The following FARP1 variants were observed in gnomAD, a reference collection of about 807,000 sequenced individuals.
FARP1 encodes FERM, ARH/RhoGEF and pleckstrin domain protein 1, also known as FERM, ARHGEF and pleckstrin domain-containing protein 1.
Under a neutral mutation model 128.8 loss-of-function variants are expected in FARP1, and 52 were observed. The observed-to-expected ratio is 0.40, with a 90% confidence interval of 0.32 to 0.51. The LOEUF is 0.51. Ranked by LOEUF, FARP1 falls within the 20% of genes least tolerant of loss-of-function variation. The pLI, the probability that FARP1 is intolerant of heterozygous loss-of-function variation, is 0.45. For missense variants in FARP1, 1,333 were observed against 1,367.9 expected, an observed-to-expected ratio of 0.97 and a Z score of 0.40; for synonymous variants, 580 against 551.8, an observed-to-expected ratio of 1.05 and a Z score of -0.72.
In FARP1 at chr13:98,189,639, A is replaced by G. The variant is rs146303451; in HGVS notation, c.-23-23581A>G. Among the ~76,000 whole-genome samples the G allele has an allele frequency of 2.3e-3, 345 of 152,366 alleles. 1 individual carries two copies. The highest frequency in any genetic ancestry group is 7.5e-3 in the African/African-American group (311 of 41,594). On this transcript the variant is annotated intron_variant, in intron 1 of 26. Transcript: ENST00000319562. ...TATTCAAATTAAATACGTATTCGAG[A>G]GGGAGAATATTTACTTATTATTGCC...
chr13:98,442,373 A>G (rs1285441766), intron 24 of FARP1, among the ~76,000 whole-genome samples: 1 of 152,162 alleles, frequency 6.6e-6, no homozygotes, highest in Non-Finnish European at 1.5e-5. Context: ...ACCTGCCTTT[A>G]TTGAGTTTCC....
In FARP1 at chr13:98,436,502, T is replaced by G. The variant is rs147012159; in HGVS notation, c.2274+796T>G. Among the ~76,000 whole-genome samples the G allele has an allele frequency of 1.1e-3, 166 of 152,358 alleles. 1 individual carries two copies. The highest frequency in any genetic ancestry group is 3.4e-3 in the Middle Eastern group (1 of 294). On this transcript the variant is annotated intron_variant, in intron 19 of 26. Transcript: ENST00000319562. The stretch of plus-strand genomic sequence containing the variant: ...AGGTCGAGAGACAACTCACTGTAGC[T>G]GCTTTGATCTGCTGCTGCAGGATCC...
chr13:98,148,309 C>T (rs1459674723), intron 1 of FARP1, among the ~76,000 whole-genome samples: 1 of 152,130 alleles, frequency 6.6e-6, no homozygotes, highest in Non-Finnish European at 1.5e-5. Flanking sequence ...ACCCGGGAGG[C>T]GGAGGTTGTG....
At chr13:98,446,910 C>T (rs1892880911) in intron 26 of FARP1, 93 bp downstream of exon 26, 1 of 1,336,262 alleles carries the variant, frequency 7.5e-7, no homozygotes, top group Non-Finnish European at 1.1e-6. Context: ...GTGAGATGGC[C>T]CCACCCTTCC....
rs539244827 is a variant in FARP1, at chr13:98,231,469, G to A, written c.171+18056G>A. On this transcript the variant is annotated intron_variant, in intron 2 of 26. Transcript: ENST00000319562. ...TTTATTTTATTTGAGACAGAGGCTC[G>A]CTCTACTGCCCAAGCTGGAGTGCAG... Among the ~76,000 whole-genome samples, 15 of 152,032 alleles carry A rather than the reference G, an allele frequency of 9.9e-5. No individual in the cohort carries two copies. In the South Asian group the frequency reaches 2.1e-3, roughly 21 times the overall value.
At chr13:98,182,850 G>A (rs1566712696) in intron 1 of FARP1, among the ~76,000 whole-genome samples, 1 of 152,172 alleles carries the variant, frequency 6.6e-6, no homozygotes, top group Non-Finnish European at 1.5e-5. Flanking sequence ...CTGGGTTAAT[G>A]TTTCTTTCTT....
intron 2 of FARP1, among the ~76,000 whole-genome samples, chr13:98,312,405 C>G (rs555244335): frequency 3.3e-5 from 5 of 152,272 alleles, no homozygotes; most frequent in African/African-American, 1.2e-4. Context: ...TCCCAAAATG[C>G]TGGGATTACA....
At chr13:98,369,413 G>T (rs1889235324) in intron 5 of FARP1, among the ~76,000 whole-genome samples, 1 of 143,316 alleles carries the variant, frequency 7.0e-6, no homozygotes. Flanking sequence ...TGTGCACAAT[G>T]TGCAGGTTAG....
intron 1 of FARP1, among the ~76,000 whole-genome samples, chr13:98,191,075 C>T (rs369130264): frequency 2.6e-5 from 4 of 152,222 alleles, no homozygotes; most frequent in African/African-American, 9.6e-5. Flanking sequence ...CAGGACCTTT[C>T]CTCTCCGGCC....
chr13:98,262,182 A>ATT (rs34133279), intron 2 of FARP1, among the ~76,000 whole-genome samples: 5 of 140,810 alleles, frequency 3.6e-5, no homozygotes, highest in African/African-American at 1.1e-4. Context: ...CGCCCTGCTA[A>ATT]TTTTTTTTTT....
At chr13:98,165,438 T>A (rs1255676901) in intron 1 of FARP1, among the ~76,000 whole-genome samples, 1 of 151,974 alleles carries the variant, frequency 6.6e-6, no homozygotes, top group Non-Finnish European at 1.5e-5. Flanking sequence ...TGCCCAAAGG[T>A]GGACATGCAT....
At chr13:98,249,438 A>C (rs1176734626) in intron 2 of FARP1, among the ~76,000 whole-genome samples, 1 of 152,136 alleles carries the variant, frequency 6.6e-6, no homozygotes, top group Non-Finnish European at 1.5e-5. Flanking sequence ...GCTTTTTTGC[A>C]AGAGTGTTAC....
intron 2 of FARP1, among the ~76,000 whole-genome samples, chr13:98,307,475 G>C (rs867056424): frequency 9.2e-5 from 14 of 152,080 alleles, no homozygotes; most frequent in African/African-American, 3.1e-4. Flanking sequence ...GCTGTGAGCT[G>C]GTATCTCCTG....
In FARP1 at chr13:98,431,279, A is replaced by G; in HGVS notation, c.2142A>G (p.Arg714=). 6.3e-7 allele frequency: 1 copy of G among 1,582,440 alleles called. No homozygotes were observed. The highest frequency in any genetic ancestry group is 8.6e-7 in the Non-Finnish European group (1 of 1,164,740). The change falls in exon 18 of 27, where the codon CGA becomes CGG. Residue 714 remains arginine (R), a splice_region_variant and synonymous_variant. Transcript: ENST00000319562. ...PPSHADFRDC[R]AALAEITEMV... is the part of the protein sequence containing the mutation. ...GCCACGCCGACTTCAGGGACTGCCG[A>G]GGTGAGTGCTGGGAGCCTGCGCCAC...
At chr13:98,296,117 T>C (rs1310819116) in intron 2 of FARP1, among the ~76,000 whole-genome samples, 1 of 152,186 alleles carries the variant, frequency 6.6e-6, no homozygotes, top group African/African-American at 2.4e-5. Flanking sequence ...CGATACATTA[T>C]TTTAAAGAGC....
intron 2 of FARP1, among the ~76,000 whole-genome samples, chr13:98,237,259 A>G (rs1326103003): frequency 6.6e-6 from 1 of 150,628 alleles, no homozygotes; most frequent in African/African-American, 2.4e-5. Context: ...AGCTGAGATC[A>G]CGCCATTGTA....
At chr13:98,420,077 G>C (rs1039512360) in intron 16 of FARP1, among the ~76,000 whole-genome samples, 1 of 152,156 alleles carries the variant, frequency 6.6e-6, no homozygotes, top group Non-Finnish European at 1.5e-5. Flanking sequence ...CCTAGGGCTC[G>C]TGATGCTTTA....
At chr13:98,175,441 T>C (rs1877935011) in intron 1 of FARP1, among the ~76,000 whole-genome samples, 1 of 152,110 alleles carries the variant, frequency 6.6e-6, no homozygotes, top group South Asian at 2.1e-4. Context: ...TTTTGGTAAC[T>C]CTTGAACCCC....
rs777075570 is a variant in FARP1, at chr13:98,238,441, C to T, written c.171+25028C>T. Among the ~76,000 whole-genome samples, 14 of 152,152 alleles carry T rather than the reference C, an allele frequency of 9.2e-5. 1 individual carries two copies. The East Asian group carries it at 9.7e-4, about 11-fold the overall frequency. On this transcript the variant is annotated intron_variant, in intron 2 of 26. Coordinates refer to ENST00000319562, the MANE Select transcript of FARP1 (RefSeq NM_005766.4). The stretch of plus-strand genomic sequence containing the variant: ...AATTATGTGTTAATCGACTGTATTC[C>T]GTTCTCATGGTGCTAATAAAGACAT...
Sources: allele counts gnomAD v4.1 joint callset (sites outside exome capture counted in the v4.1 genomes callset), GRCh38; gene constraint gnomAD v4.1.1; transcripts MANE v1.5; gene names NCBI Gene and HGNC (gene_info 2026-07-23, HGNC 2026-07-21).